Variants in CENPE observed in about 807,000 individuals in gnomAD.
CENPE encodes the protein centromere protein E, also known as centromere-associated protein E.
Under a neutral mutation model 336.1 loss-of-function variants are expected in CENPE, and 145 were observed. The ratio of observed to expected loss-of-function variants is 0.43; its 90% confidence interval spans 0.38 to 0.50. CENPE has a LOEUF of 0.50. CENPE is among the 20% of genes least tolerant of loss of function. The pLI is 0.00. For synonymous variants in CENPE, 1,013 were observed against 984.8 expected (o/e 1.03, Z -0.54); for missense variants, 2,719 against 3,023.3 (o/e 0.90, Z 2.36).
intron 2 of CENPE, 147 bp downstream of exon 2, chr4:103,196,612 A>C (rs1036364180): frequency 7.6e-5 from 46 of 606,308 alleles, no homozygotes; most frequent in Non-Finnish European, 1.3e-4. Context: ...TAAATACATG[A>C]TGGATAAACA....
rs1168270495 is a variant in CENPE, at chr4:103,163,215, T to C, written c.1764A>G (p.Glu588=). Residue 588 remains glutamate, a synonymous_variant, in exon 18 of 49, where the codon GAA becomes GAG. Coordinates refer to ENST00000265148, the MANE Select transcript of CENPE (RefSeq NM_001813.3). Reference sequence around the variant, plus strand: ...ATTCCTGTAGCTTCTTAATCTGGTCTTCCTTTTCTCTAAGCAGCTCTACTT... The same window carrying C: ...ATTCCTGTAGCTTCTTAATCTGGTCCTCCTTTTCTCTAAGCAGCTCTACTT... ...SSKVELLREK[E]DQIKKLQEYI... 2 of 1,609,178 alleles carry C rather than the reference T, an allele frequency of 1.2e-6. No homozygotes were observed. The highest frequency in any genetic ancestry group is 1.7e-6 in the Non-Finnish European group (2 of 1,176,344).
At chr4:103,131,716 T>C (rs1445971366) in intron 42 of CENPE, among the ~76,000 whole-genome samples, 1 of 152,166 alleles carries the variant, frequency 6.6e-6, no homozygotes. Flanking sequence ...TATCCTTTGG[T>C]AGGTAAGTAG....
At chr4:103,143,692 A>T (rs1218814079) in intron 33 of CENPE, among the ~76,000 whole-genome samples, 1 of 152,192 alleles carries the variant, frequency 6.6e-6, no homozygotes, top group Non-Finnish European at 1.5e-5. Flanking sequence ...TTATTTAACC[A>T]GTCCCTTACC....
chr4:103,109,029 C>A lies in CENPE; in HGVS notation c.7785G>T (p.Glu2595Asp), dbSNP rs1749153240. 3 of 1,613,712 alleles carry A rather than the reference C, an allele frequency of 1.9e-6. No homozygotes were observed. The highest frequency in any genetic ancestry group is 2.5e-6 in the Non-Finnish European group (3 of 1,179,748). Residue 2595 changes from glutamate (E) to aspartate (D), a missense_variant, in exon 48 of 49, where the codon GAG (glutamate) becomes GAT (aspartate). Physicochemically the swap from Glu to Asp is conservative, Grantham distance 45. Transcript: ENST00000265148. ...KTWKERTLKR[E>D]AHKQVTCENS... ...TCTCACAAGTTACTTGTTTGTGAGC[C>A]TCTCTTTTAAGGGTTCTTTCCTTCC...
chr4:103,195,997 A>G lies in CENPE; in HGVS notation c.280T>C (p.Tyr94His), dbSNP rs372291537. The G allele has an allele frequency of 1.6e-5, 26 of 1,613,742 alleles. No individual in the cohort carries two copies. The highest frequency in any genetic ancestry group is 2.2e-5 in the Non-Finnish European group (26 of 1,179,782). The change falls in exon 4 of 49, where the codon TAT becomes CAT. Residue 94 changes from tyrosine (Y) to histidine (H), a missense_variant. Physicochemically the swap from Tyr to His is moderately conservative, Grantham distance 83. Around this residue, in one of 5 missense-constraint regions of CENPE, gnomAD observed 106 missense variants for 189.3 expected, o/e 0.56. Coordinates refer to ENST00000265148, the MANE Select transcript of CENPE (RefSeq NM_001813.3). ...TGATCTTCTGAACCCATCATGGTAT[A>G]TGTTTTTCCTGAAGCAGTCTGTCCA... is the stretch of plus-strand genomic sequence containing the variant. ...AYGQTASGKTYTMMGSEDHLG... is the reference protein window; with the variant it reads ...AYGQTASGKTHTMMGSEDHLG...
At chr4:103,116,959 A>AT (rs558654211) in intron 44 of CENPE, among the ~76,000 whole-genome samples, 8 of 152,038 alleles carry the variant, frequency 5.3e-5, no homozygotes, top group African/African-American at 1.4e-4. Flanking sequence ...TAAAATAAAT[A>AT]TTTTTTTTCT....
intron 4 of CENPE, 22 bp downstream of exon 4, chr4:103,195,898 G>A (rs1409514713): frequency 1.4e-6 from 2 of 1,434,436 alleles, no homozygotes; most frequent in Non-Finnish European, 2.0e-6. Flanking sequence ...GTACGTACTA[G>A]AAATCCAGTT....
At chr4:103,121,730 A>C (rs1750640047) in intron 43 of CENPE, among the ~76,000 whole-genome samples, 1 of 150,860 alleles carries the variant, frequency 6.6e-6, no homozygotes, top group South Asian at 2.1e-4. Context: ...TTAAAAAAAC[A>C]CTTTTTTTTT....
At chr4:103,112,278 C>G (rs981902088) in intron 46 of CENPE, among the ~76,000 whole-genome samples, 1 of 146,652 alleles carries the variant, frequency 6.8e-6, no homozygotes, top group African/African-American at 2.5e-5. Context: ...ATTCCAAATA[C>G]TAAGCAAAAC....
chr4:103,197,369 C>A (rs1757819836), intron 1 of CENPE, among the ~76,000 whole-genome samples: 2 of 152,212 alleles, frequency 1.3e-5, no homozygotes, highest in African/African-American at 4.8e-5. Flanking sequence ...ACTTTTCTGA[C>A]ACCAGTTCAC....
rs1165595414 is a variant in CENPE, at chr4:103,158,416, G to C, written c.2917C>G (p.Leu973Val). The stretch of plus-strand genomic sequence containing the variant: ...TTAATTGTTTCTTGATGTTGTTTCA[G>C]AGACTCAAGAGCATTTCGTAATTGT... ...QEQLRNALES[L>V]KQHQETINTL... Residue 973 changes from leucine to valine, a missense_variant, in exon 24 of 49, where the codon CTG becomes GTG. This residue lies in a region of CENPE where 2,437 missense variants were observed against 2,513.3 expected (regional missense o/e 0.97). Transcript: ENST00000265148. 23 of 1,602,922 alleles carry C rather than the reference G, an allele frequency of 1.4e-5. No homozygotes were observed. The highest frequency in any genetic ancestry group is 1.7e-5 in the Admixed American group (1 of 59,152).
intron 16 of CENPE, among the ~76,000 whole-genome samples, chr4:103,168,648 T>C (rs748322632): frequency 6.6e-6 from 1 of 152,214 alleles, no homozygotes; most frequent in African/African-American, 2.4e-5. Flanking sequence ...GAGACAGGCG[T>C]ATCCAAGTCC....
intron 9 of CENPE, among the ~76,000 whole-genome samples, chr4:103,184,691 A>C (rs979834325): frequency 6.6e-6 from 1 of 152,146 alleles, no homozygotes; most frequent in African/African-American, 2.4e-5. Flanking sequence ...CACTGGGCTG[A>C]CAATTCACAC....
intron 2 of CENPE, 92 bp from the exon 3 acceptor site, chr4:103,196,344 A>G (rs1468815673): frequency 2.1e-6 from 2 of 972,430 alleles, no homozygotes; most frequent in African/African-American, 1.6e-5. Context: ...TCCCAAAAGT[A>G]AAACTGTCAG....
intron 26 of CENPE, among the ~76,000 whole-genome samples, chr4:103,149,671 T>C (rs1490001572): frequency 6.6e-6 from 1 of 152,204 alleles, no homozygotes; most frequent in Non-Finnish European, 1.5e-5. Flanking sequence ...GACGTGATCC[T>C]ACTGGAGTAG....
intron 35 of CENPE, among the ~76,000 whole-genome samples, 197 bp from the exon 36 acceptor site, chr4:103,141,301 T>C (rs536691098): frequency 1.3e-5 from 2 of 152,194 alleles, no homozygotes; most frequent in Non-Finnish European, 2.9e-5. Flanking sequence ...TTAATTATTC[T>C]TGACACAGGT....
chr4:103,168,249 T>C (rs1755090895), intron 16 of CENPE, among the ~76,000 whole-genome samples: 2 of 152,106 alleles, frequency 1.3e-5, no homozygotes, highest in Non-Finnish European at 2.9e-5. Context: ...CAGGAAGCTA[T>C]CTCGACTGTA....
chr4:103,145,446 A>G, intron 31 of CENPE, 77 bp downstream of exon 31: 1 of 1,422,228 alleles, frequency 7.0e-7, no homozygotes, highest in Non-Finnish European at 9.6e-7. Context: ...AAGCATGCCA[A>G]ATAGTAGTCT....
Position 103,182,785 on chromosome 4 carries a change from CAA to C in CENPE, c.938_939del (p.Phe313Ter). The C allele has an allele frequency of 6.2e-7, 1 of 1,610,042 alleles. No individual in the cohort carries two copies. The highest frequency in any genetic ancestry group is 8.5e-7 in the Non-Finnish European group (1 of 1,177,866). On this transcript the variant is annotated frameshift_variant, in exon 11 of 49. Transcript: ENST00000265148. LOFTEE classifies it high-confidence loss of function. ...RIICTITPVS[F>X]DETLTALQFA... ...ACCTGGAGAGCAGTAAGTGTTTCAT[CAA>C]AAGATACTGGAGTAATTGTGCAGAT...
Sources: allele counts gnomAD v4.1 joint callset (sites outside exome capture counted in the v4.1 genomes callset), GRCh38; gene constraint gnomAD v4.1.1; regional missense constraint gnomAD v4.1.1; transcripts MANE v1.5; gene names NCBI Gene and HGNC (gene_info 2026-07-23, HGNC 2026-07-21).